Variants in PIWIL1 observed in about 807,000 individuals in gnomAD.
The protein encoded by PIWIL1 is piwi like RNA-mediated gene silencing 1, also known as piwi-like protein 1.
PIWIL1 carries 73 observed loss-of-function variants against 114.4 expected under a neutral mutation model. The ratio of observed to expected loss-of-function variants is 0.64; its 90% confidence interval spans 0.53 to 0.78. PIWIL1 has a LOEUF of 0.78. Among genes scored for constraint, PIWIL1 ranks in the 30% least tolerant of loss-of-function variants. PIWIL1 has a pLI of 0.00. For missense variants in PIWIL1, 723 were observed against 1,063.1 expected (o/e 0.68, Z 4.45); for synonymous variants, 375 against 369.0 (o/e 1.02, Z -0.19).
intron 19 of PIWIL1, among the ~76,000 whole-genome samples, chr12:130,369,790 T>C (rs1197033825): frequency 6.6e-6 from 1 of 152,220 alleles, no homozygotes; most frequent in Non-Finnish European, 1.5e-5. Context: ...TATTAGACTT[T>C]TGTAAGATGG....
chr12:130,354,322 G>A (rs1565947102), intron 9 of PIWIL1, among the ~76,000 whole-genome samples: 1 of 152,034 alleles, frequency 6.6e-6, no homozygotes, highest in Non-Finnish European at 1.5e-5. Flanking sequence ...CAGTTTTTAG[G>A]AAAAAGATAG....
chr12:130,349,747 A>G (rs2073164528), intron 8 of PIWIL1, 109 bp from the exon 9 acceptor site: 3 of 669,674 alleles, frequency 4.5e-6, no homozygotes, highest in Non-Finnish European at 7.6e-6. Context: ...AACCTTGTAT[A>G]TAACCAGGTG....
At chr12:130,381,810 C>T in the PIWIL1 span, among the ~76,000 whole-genome samples, 6 of 152,162 alleles carry the variant, frequency 3.9e-5, no homozygotes, top group South Asian at 2.1e-4. Flanking sequence ...TCTTTCCCAG[C>T]GTTTGCTATT....
At chr12:130,363,677 G>GCACAATCT (rs1453942971) in intron 18 of PIWIL1, among the ~76,000 whole-genome samples, 1 of 143,778 alleles carries the variant, frequency 7.0e-6, no homozygotes, top group East Asian at 2.0e-4. Flanking sequence ...CAGTGCAGTG[G>GCACAATCT]CACAATCTCG....
chr12:130,369,698 G>C (rs891239624), intron 19 of PIWIL1, among the ~76,000 whole-genome samples: 7 of 152,106 alleles, frequency 4.6e-5, no homozygotes, highest in African/African-American at 1.7e-4. Context: ...CTTCTTTTGA[G>C]AAGTGTCTGT....
chr12:130,424,399 G>A, the PIWIL1 span: 1 of 1,232,750 alleles, frequency 8.1e-7, no homozygotes, highest in Non-Finnish European at 1.0e-6. This position sits in a 1 kb window ranked among gnomAD's most constrained non-coding sequence, Gnocchi z 9.8. Flanking sequence ...CGCCGGGCCA[G>A]CAGCGGCCTC....
the PIWIL1 span, among the ~76,000 whole-genome samples, chr12:130,382,128 C>A: frequency 2.6e-5 from 4 of 152,302 alleles, no homozygotes; most frequent in East Asian, 5.8e-4. Flanking sequence ...GTTATGGGAG[C>A]AATTGAAGGT....
At chr12:130,399,497 G>A in the PIWIL1 span, among the ~76,000 whole-genome samples, 2 of 152,078 alleles carry the variant, frequency 1.3e-5, no homozygotes, top group Non-Finnish European at 2.9e-5. Context: ...TTTGTAAAAT[G>A]AGTAAGATTT....
intron 13 of PIWIL1, 101 bp from the exon 14 acceptor site, chr12:130,357,380 T>C: frequency 2.3e-6 from 2 of 872,678 alleles, no homozygotes; most frequent in Non-Finnish European, 3.7e-6. Flanking sequence ...TGATTTCATG[T>C]TTTATACGGA....
chr12:130,360,632 T>G (rs2073485298), intron 14 of PIWIL1, among the ~76,000 whole-genome samples: 1 of 152,054 alleles, frequency 6.6e-6, no homozygotes, highest in Non-Finnish European at 1.5e-5. Flanking sequence ...AAACTCCATC[T>G]CAAAAACAAA....
At chr12:130,363,221 G>T (rs2073562764) in intron 18 of PIWIL1, 77 bp downstream of exon 18, 1 of 1,409,416 alleles carries the variant, frequency 7.1e-7, no homozygotes, top group Admixed American at 1.7e-5. Context: ...ATCACAAGAT[G>T]AAAGGATGAG....
At position 130,354,524 on chromosome 12, in the gene PIWIL1, G is replaced by A. The variant is rs375538757; in HGVS notation, c.1045-13G>A. 5.4e-5 allele frequency: 87 copies of A among 1,613,898 alleles called. No individual in the cohort carries two copies. Among genetic ancestry groups the A allele is most frequent in the Admixed American group, 2.0e-4 (12 of 59,998 alleles). ...ATTTGCCGTGAACAGCGACCCTTTC[G>A]TCTCTTGAGCAGCAATACAACCAAG... On this transcript the variant is annotated splice_polypyrimidine_tract_variant and intron_variant, in intron 9 of 20. Transcript: ENST00000245255.
At position 130,363,159 on chromosome 12, in the gene PIWIL1, T is replaced by C. The variant is rs1165819397; in HGVS notation, c.2195+15T>C. The stretch of plus-strand genomic sequence containing the variant: ...AGAGGTTACAAGTAAGCATGCAAAT[T>C]GTAAAGCATTTTCTTTTTATAAAAC... On this transcript the variant is annotated intron_variant, in intron 18 of 20. Coordinates refer to ENST00000245255, the MANE Select transcript of PIWIL1 (RefSeq NM_004764.5). 2 of 1,610,988 alleles carry C rather than the reference T, an allele frequency of 1.2e-6. No individual in the cohort carries two copies. Among genetic ancestry groups the C allele is most frequent in the South Asian group, 1.1e-5 (1 of 90,836 alleles).
At chr12:130,423,633 A>G in the PIWIL1 span, among the ~76,000 whole-genome samples, 1 of 151,428 alleles carries the variant, frequency 6.6e-6, no homozygotes, top group Non-Finnish European at 1.5e-5. Flanking sequence ...TGGGAAAAAA[A>G]CAAGAACTTT....
At position 130,361,323 on chromosome 12, in the gene PIWIL1, G is replaced by C; in HGVS notation, c.1809G>C (p.Lys603Asn). ...KQQTVMAIAT[K>N]IALQMNCKMG... The stretch of plus-strand genomic sequence containing the variant: ...AAACTGTCATGGCCATTGCTACAAA[G>C]ATTGCCCTACAGATGAACTGCAAGA... The change falls in exon 15 of 21, where the codon AAG becomes AAC. Residue 603 changes from lysine (K) to asparagine (N), a missense_variant. This residue lies in a region of PIWIL1 where 298 missense variants were observed against 420.8 expected (regional missense o/e 0.71). Coordinates refer to ENST00000245255, the MANE Select transcript of PIWIL1 (RefSeq NM_004764.5). 6.2e-7 allele frequency: 1 copy of C among 1,614,218 alleles called. No homozygotes were observed. The highest frequency in any genetic ancestry group is 8.5e-7 in the Non-Finnish European group (1 of 1,180,040).
the PIWIL1 span, among the ~76,000 whole-genome samples, chr12:130,393,951 C>A: frequency 5.3e-5 from 8 of 152,232 alleles, no homozygotes; most frequent in East Asian, 1.2e-3. Flanking sequence ...GTTTTTATTT[C>A]TTCAGCTAGT....
At chr12:130,363,258 A>AG (rs1408746367) in intron 18 of PIWIL1, 114 bp downstream of exon 18, 1 of 1,019,942 alleles carries the variant, frequency 9.8e-7, no homozygotes, top group African/African-American at 1.6e-5. Flanking sequence ...TAGGGACTGT[A>AG]GGGCCTTTGA....
rs550746116 is a variant in PIWIL1, at chr12:130,340,611, G to A, written c.-12-1969G>A. On this transcript the variant is annotated intron_variant, in intron 1 of 20. Transcript: ENST00000245255. Reference sequence around the variant, plus strand: ...TGGTTCCGGTACAGGTCCATGGGGCGTGGGGGTTGGTGGTGGTGGTTGGGG... The same window carrying A: ...TGGTTCCGGTACAGGTCCATGGGGCATGGGGGTTGGTGGTGGTGGTTGGGG... 3.1e-4 allele frequency among the ~76,000 whole-genome samples: 38 copies of A among 123,722 alleles called. No individual in the cohort carries two copies. The East Asian group carries it at 6.8e-3, about 22-fold the overall frequency. The allele number at this position is 123,722 out of a possible 152,430, so 81.2% of individuals were successfully genotyped here. A position where few individuals can be genotyped will look rare whatever the true frequency, so the allele number is the denominator to read the frequency against.
chr12:130,407,394 G>A, the PIWIL1 span, among the ~76,000 whole-genome samples: 1 of 152,216 alleles, frequency 6.6e-6, no homozygotes. Context: ...CTGACCACAT[G>A]TGATGGGCTT....
Sources: allele counts gnomAD v4.1 joint callset (sites outside exome capture counted in the v4.1 genomes callset), GRCh38; gene constraint gnomAD v4.1.1; regional missense constraint gnomAD v4.1.1; non-coding constraint Gnocchi (gnomAD v3.1); transcripts MANE v1.5; gene names NCBI Gene and HGNC (gene_info 2026-07-23, HGNC 2026-07-21).